Variants in ITGB3BP observed in about 807,000 individuals in gnomAD.
The protein encoded by ITGB3BP is centromere protein R.
ITGB3BP carries 27 observed loss-of-function variants against 29.1 expected under a neutral mutation model. That is an observed-to-expected ratio of 0.93 (90% confidence interval 0.68 to 1.28). The LOEUF is 1.28. Ranked by LOEUF, ITGB3BP falls within the 50% of genes most tolerant of loss-of-function variation. The pLI, the probability that ITGB3BP is intolerant of heterozygous loss-of-function variation, is 0.00. For synonymous variants in ITGB3BP, 61 were observed against 61.4 expected (o/e 0.99, Z 0.03); for missense variants, 192 against 200.2 (o/e 0.96, Z 0.25).
chr1:63,505,376 A>T (rs1646050932), intron 2 of ITGB3BP, among the ~76,000 whole-genome samples: 1 of 151,398 alleles, frequency 6.6e-6, no homozygotes, highest in Non-Finnish European at 1.5e-5. Context: ...ATCATTTTTT[A>T]TTGCATCTAT....
intron 4 of ITGB3BP, among the ~76,000 whole-genome samples, chr1:63,473,706 G>A (rs1309284791): frequency 1.7e-4 from 11 of 63,226 alleles, no homozygotes; most frequent in Admixed American, 2.7e-4. Context: ...CGCCCCGTCC[G>A]GGAGGTGAGG....
At chr1:63,490,720 T>C (rs1470155605) in intron 2 of ITGB3BP, among the ~76,000 whole-genome samples, 1 of 152,192 alleles carries the variant, frequency 6.6e-6, no homozygotes, top group Non-Finnish European at 1.5e-5. Flanking sequence ...AGTCAGGCAT[T>C]TAAGGCCTTT....
intron 4 of ITGB3BP, among the ~76,000 whole-genome samples, chr1:63,469,954 G>A (rs1207627816): frequency 6.6e-6 from 1 of 152,180 alleles, no homozygotes; most frequent in African/African-American, 2.4e-5. Flanking sequence ...GCCCGCCCAG[G>A]GCAGAAAACC....
intron 2 of ITGB3BP, among the ~76,000 whole-genome samples, chr1:63,499,629 A>T (rs1478317837): frequency 6.6e-6 from 1 of 152,226 alleles, no homozygotes; most frequent in African/African-American, 2.4e-5. Flanking sequence ...GCATAAAAGA[A>T]TTATATGTCA....
At chr1:63,516,408 AG>A (rs2100814978) in intron 1 of ITGB3BP, among the ~76,000 whole-genome samples, 1 of 151,504 alleles carries the variant, frequency 6.6e-6, no homozygotes, top group East Asian at 1.9e-4. Context: ...AGAAAACAAG[AG>A]AAAAAAGAGG....
At chr1:63,495,805 C>A (rs1388665641) in intron 2 of ITGB3BP, among the ~76,000 whole-genome samples, 1 of 152,062 alleles carries the variant, frequency 6.6e-6, no homozygotes, top group East Asian at 1.9e-4. Flanking sequence ...ACCCCTTTTC[C>A]TTTTAAACAA....
intron 8 of ITGB3BP, among the ~76,000 whole-genome samples, chr1:63,446,318 T>C (rs888385733): frequency 6.6e-6 from 1 of 152,244 alleles, no homozygotes; most frequent in African/African-American, 2.4e-5. Flanking sequence ...TCATTTTTAC[T>C]TGTATTGCTG....
chr1:63,489,118 G>A (rs1280898999), intron 3 of ITGB3BP, among the ~76,000 whole-genome samples: 2 of 151,648 alleles, frequency 1.3e-5, no homozygotes, highest in Admixed American at 6.6e-5. Flanking sequence ...TACATTTTAG[G>A]GAAAGAGAAC....
At chr1:63,520,613 G>T (rs1646424262) in intron 1 of ITGB3BP, among the ~76,000 whole-genome samples, 1 of 152,116 alleles carries the variant, frequency 6.6e-6, no homozygotes, top group Non-Finnish European at 1.5e-5. Flanking sequence ...CATACTAAAT[G>T]AATAAATGTA....
chr1:63,468,084 C>T (rs1645130609), intron 4 of ITGB3BP, among the ~76,000 whole-genome samples: 1 of 152,176 alleles, frequency 6.6e-6, no homozygotes, highest in African/African-American at 2.4e-5. Context: ...GGGCTTCTTT[C>T]TCTCTCACTG....
intron 8 of ITGB3BP, among the ~76,000 whole-genome samples, chr1:63,443,870 A>G (rs1214163001): frequency 7.4e-6 from 1 of 134,764 alleles, no homozygotes; most frequent in African/African-American, 2.6e-5. Context: ...GAAATGATGA[A>G]ATCAGTATAC....
chr1:63,470,805 T>C (rs1645183148), intron 4 of ITGB3BP, among the ~76,000 whole-genome samples: 1 of 152,218 alleles, frequency 6.6e-6, no homozygotes, highest in Admixed American at 6.5e-5. Context: ...AAGGTATGCA[T>C]ATATCCTGGT....
chr1:63,517,616 C>T (rs1467518545), intron 1 of ITGB3BP, among the ~76,000 whole-genome samples: 2 of 152,150 alleles, frequency 1.3e-5, no homozygotes, highest in Non-Finnish European at 2.9e-5. Context: ...ACTGATTTTG[C>T]ATCCTACATC....
chr1:63,526,211 TTTC>T (rs1440831283), upstream of ITGB3BP, among the ~76,000 whole-genome samples: 1 of 152,174 alleles, frequency 6.6e-6, no homozygotes, highest in Non-Finnish European at 1.5e-5. Flanking sequence ...GGTTTTTTTA[TTTC>T]TTATTTTTAT....
chr1:63,467,547 T>TGATC (rs1294541479), intron 4 of ITGB3BP, among the ~76,000 whole-genome samples: 1 of 151,716 alleles, frequency 6.6e-6, no homozygotes, highest in Non-Finnish European at 1.5e-5. Context: ...ATTGATTGAT[T>TGATC]GAATGTAGAG....
chr1:63,478,176 T>G lies in ITGB3BP; in HGVS notation c.254+588A>C, dbSNP rs181072562. On this transcript the variant is annotated intron_variant, in intron 4 of 8. Transcript: ENST00000271002. ...TTCAGGACAGAGGCAACCATTCATT[T>G]TTTTCTCGAAATATTTTCAATTTGT... 1.2e-4 allele frequency among the ~76,000 whole-genome samples: 19 copies of G among 152,354 alleles called. No individual in the cohort carries two copies. The East Asian group carries it at 3.5e-3, about 28-fold the overall frequency.
At chr1:63,512,927 C>T (rs1258746516) in intron 1 of ITGB3BP, among the ~76,000 whole-genome samples, 1 of 152,162 alleles carries the variant, frequency 6.6e-6, no homozygotes, top group Non-Finnish European at 1.5e-5. Flanking sequence ...TTGACCTGGA[C>T]ATTTTTCAAG....
At chr1:63,461,083 CAAAAAAAA>C (rs35518465) in intron 4 of ITGB3BP, among the ~76,000 whole-genome samples, 1 of 97,588 alleles carries the variant, frequency 1.0e-5, no homozygotes, top group African/African-American at 4.6e-5. Flanking sequence ...ACTAAAACTA[CAAAAAAAA>C]AAAAAAAAAA....
intron 2 of ITGB3BP, among the ~76,000 whole-genome samples, chr1:63,494,276 G>A (rs1044167877): frequency 5.9e-5 from 9 of 152,018 alleles, no homozygotes; most frequent in African/African-American, 1.4e-4. Flanking sequence ...CCACCACCAC[G>A]TCCGGCTAAT....
Sources: allele counts gnomAD v4.1 joint callset (sites outside exome capture counted in the v4.1 genomes callset), GRCh38; gene constraint gnomAD v4.1.1; transcripts MANE v1.5; gene names NCBI Gene and HGNC (gene_info 2026-07-23, HGNC 2026-07-21).